The following PADI4 variants were observed in gnomAD, a reference collection of about 807,000 sequenced individuals.
PADI4 encodes the protein peptidyl arginine deiminase 4.
A neutral mutation model predicts 75.0 loss-of-function variants in PADI4; 62 were observed. That is an observed-to-expected ratio of 0.83 (90% confidence interval 0.67 to 1.02). The LOEUF is 1.02. Among genes scored for constraint, PADI4 ranks in the 50% least tolerant of loss-of-function variants. The pLI, the probability that PADI4 is intolerant of heterozygous loss-of-function variation, is 0.00. For missense variants in PADI4, 845 were observed against 850.5 expected (o/e 0.99, Z 0.08); for synonymous variants, 361 against 348.1 (o/e 1.04, Z -0.41).
chr1:17,313,453 A>G (rs747737824), intron 1 of PADI4, among the ~76,000 whole-genome samples: 4 of 143,016 alleles, frequency 2.8e-5, no homozygotes, highest in Non-Finnish European at 6.1e-5. Context: ...GTGAGCCAAG[A>G]TCATGCCACG....
At chr1:17,342,542 AG>A (rs2074442486) in intron 8 of PADI4, 140 bp downstream of exon 8, 13 of 620,670 alleles carry the variant, frequency 2.1e-5, no homozygotes, top group Non-Finnish European at 3.8e-5. Flanking sequence ...GGCTCTAAAA[AG>A]GCAGGGAAGT....
At chr1:17,359,902 A>G (rs894921213) in intron 15 of PADI4, among the ~76,000 whole-genome samples, 10 of 152,232 alleles carry the variant, frequency 6.6e-5, no homozygotes, top group Non-Finnish European at 1.5e-4. Flanking sequence ...ATGGACATCA[A>G]CGTCTTGCAA....
intron 1 of PADI4, among the ~76,000 whole-genome samples, chr1:17,320,409 T>A (rs558907306): frequency 4.7e-4 from 71 of 152,352 alleles, no homozygotes; most frequent in African/African-American, 1.6e-3. Flanking sequence ...AAAGAATGGC[T>A]ACTCCATAGA....
At chr1:17,353,189 C>T (rs937639645) in intron 10 of PADI4, among the ~76,000 whole-genome samples, 3 of 152,010 alleles carry the variant, frequency 2.0e-5, no homozygotes, top group Non-Finnish European at 2.9e-5. Context: ...TCAGGCCAGG[C>T]GCAGTAGCTC....
chr1:17,316,712 AATTAATT>A (rs1557539633), intron 1 of PADI4, among the ~76,000 whole-genome samples: 67 of 147,724 alleles, frequency 4.5e-4, no homozygotes, highest in Middle Eastern at 3.5e-3. Context: ...TAAATAAATT[AATTAATT>A]AATTAATTAA....
rs1483406409 is a variant in PADI4 at position 17,331,055 on chromosome 1, A to G, written c.179A>G (p.Lys60Arg). 6.2e-7 allele frequency: 1 copy of G among 1,610,692 alleles called. No homozygotes were observed. Among genetic ancestry groups the G allele is most frequent in the South Asian group, 1.1e-5 (1 of 90,462 alleles). The change falls in exon 2 of 16, where the codon AAG becomes AGG. Residue 60 changes from lysine to arginine, a missense_variant. Physicochemically the swap from Lys to Arg is conservative, Grantham distance 26. Transcript: ENST00000375448. Reference protein sequence around the residue: ...VDIAHGPPAKKKSTGSSTWPL... With the variant: ...VDIAHGPPAKRKSTGSSTWPL... ...ATTGCCCACGGCCCTCCAGCCAAGA[A>G]GAAATCCACAGGTTCCTCCACATGG...
At chr1:17,336,874 C>T (rs2074322074) in intron 4 of PADI4, among the ~76,000 whole-genome samples, 2 of 152,194 alleles carry the variant, frequency 1.3e-5, no homozygotes, top group Non-Finnish European at 2.9e-5. Context: ...GAATCTGTCC[C>T]TGTATCCCTC....
chr1:17,323,564 G>A (rs952818880), intron 1 of PADI4, among the ~76,000 whole-genome samples: 29 of 152,218 alleles, frequency 1.9e-4, no homozygotes, highest in Admixed American at 5.9e-4. Context: ...GCCAGGTACT[G>A]TGATTCATGC....
chr1:17,316,731 TAA>T (rs1185979352), intron 1 of PADI4, among the ~76,000 whole-genome samples: 44 of 122,364 alleles, frequency 3.6e-4, no homozygotes, highest in African/African-American at 1.3e-3. Context: ...ATTAATTAAT[TAA>T]AATAAATAAA....
intron 4 of PADI4, 93 bp downstream of exon 4, chr1:17,336,319 G>A: frequency 2.4e-6 from 2 of 821,844 alleles, no homozygotes; most frequent in Non-Finnish European, 4.2e-6. Context: ...CCTGTCCCAC[G>A]TATTCCGTGT....
chr1:17,336,513 C>T (rs1051680689), intron 4 of PADI4, among the ~76,000 whole-genome samples: 4 of 152,146 alleles, frequency 2.6e-5, no homozygotes, highest in Non-Finnish European at 5.9e-5. Flanking sequence ...GGGCAGGTCT[C>T]GACTCTGGCT....
chr1:17,311,082 G>C (rs904248101), intron 1 of PADI4, among the ~76,000 whole-genome samples: 2 of 150,276 alleles, frequency 1.3e-5, no homozygotes, highest in Non-Finnish European at 3.0e-5. Flanking sequence ...GGGCAACACA[G>C]TGAGTCTCCG....
At position 17,342,072 on chromosome 1, in the gene PADI4, T is replaced by A; in HGVS notation, c.782T>A (p.Phe261Tyr). 1 of 1,614,050 alleles carries A rather than the reference T, an allele frequency of 6.2e-7. No individual in the cohort carries two copies. Among genetic ancestry groups the A allele is most frequent in the Non-Finnish European group, 8.5e-7 (1 of 1,179,974 alleles). Residue 261 changes from phenylalanine to tyrosine, a missense_variant, in exon 7 of 16, where the codon TTC (phenylalanine) becomes TAC (tyrosine). Physicochemically the swap from Phe to Tyr is conservative, Grantham distance 22. Transcript: ENST00000375448. ...VEALAFPDTD[F>Y]PGLITLTISL... ...GCCCTCGCTTTCCCGGACACCGACT[T>A]CCCGGGGCTCATTACCCTCACCATC...
chr1:17,321,163 G>A (rs1207497408), intron 1 of PADI4, among the ~76,000 whole-genome samples: 3 of 152,152 alleles, frequency 2.0e-5, no homozygotes, highest in Non-Finnish European at 4.4e-5. Flanking sequence ...CACTGAGATG[G>A]GCCTTTGGGG....
At chr1:17,328,208 C>T (rs987862293) in intron 1 of PADI4, among the ~76,000 whole-genome samples, 4 of 151,642 alleles carry the variant, frequency 2.6e-5, no homozygotes, top group East Asian at 2.0e-4. Flanking sequence ...ATTTTTTGTA[C>T]AGACAGGATC....
At position 17,338,092 on chromosome 1, in the gene PADI4, G is replaced by A. The variant is rs1464252258; in HGVS notation, c.463G>A (p.Asp155Asn). Residue 155 changes from aspartate to asparagine, a missense_variant, in exon 5 of 16, where the codon GAC becomes AAC. By Grantham distance (23) the Asp-to-Asn change is conservative (BLOSUM62 1). Coordinates refer to ENST00000375448, the MANE Select transcript of PADI4 (RefSeq NM_012387.3). ...GGGTGCCATCCTGCTGGTGAACTGT[G>A]ACAGAGACAATCTCGAATCTTCTGC... Reference protein sequence around the residue: ...GQGAILLVNCDRDNLESSAMD... With the variant: ...GQGAILLVNCNRDNLESSAMD... 7.4e-6 allele frequency: 12 copies of A among 1,613,666 alleles called. No homozygotes were observed. The highest frequency in any genetic ancestry group is 1.0e-5 in the Non-Finnish European group (12 of 1,179,778).
intron 1 of PADI4, among the ~76,000 whole-genome samples, chr1:17,309,191 G>C (rs1295941316): frequency 6.8e-6 from 1 of 147,950 alleles, no homozygotes; most frequent in Non-Finnish European, 1.5e-5. Flanking sequence ...AAAAAAAAGA[G>C]CTGGAGTCCC....
intron 10 of PADI4, among the ~76,000 whole-genome samples, chr1:17,350,667 C>A (rs115516449): frequency 0.026 from 3,336 of 130,316 alleles, 396 homozygotes; most frequent in African/African-American, 0.079. Context: ...ATAACTGACC[C>A]CCTCTCACAA....
At chr1:17,348,673 C>T (rs2100210963) in intron 10 of PADI4, 1 of 152,316 alleles carries the variant, frequency 6.6e-6, no homozygotes, top group South Asian at 2.1e-4. Context: ...TGCACTGACT[C>T]ATTTAATTTG....
Sources: gnomAD v4.1 joint callset for allele counts (sites outside exome capture counted in the v4.1 genomes callset) on GRCh38, gnomAD v4.1.1 for gene constraint, MANE v1.5 for transcripts, NCBI Gene and HGNC (gene_info 2026-07-23, HGNC 2026-07-21) for gene names.